Variants in SYT1 observed in about 807,000 individuals in gnomAD.
SYT1 encodes the protein synaptotagmin 1.
Under a neutral mutation model 44.8 loss-of-function variants are expected in SYT1, and 8 were observed. That is an observed-to-expected ratio of 0.18 (90% CI 0.10 to 0.32). SYT1 has a LOEUF of 0.32. Among genes scored for constraint, SYT1 ranks in the 10% least tolerant of loss-of-function variants. SYT1 has a pLI of 1.00. For missense variants in SYT1, 286 were observed against 509.3 expected (o/e 0.56, Z 4.22); for synonymous variants, 154 against 188.8 (o/e 0.82, Z 1.51).
At chr12:78,904,662 C>T (rs910381747) in intron 1 of SYT1, among the ~76,000 whole-genome samples, 4 of 152,006 alleles carry the variant, frequency 2.6e-5, no homozygotes, top group African/African-American at 9.7e-5. Flanking sequence ...ATACATATTC[C>T]ATTGTTCAAA....
At chr12:79,398,778 T>G (rs1007046430) in intron 9 of SYT1, among the ~76,000 whole-genome samples, 7 of 152,200 alleles carry the variant, frequency 4.6e-5, no homozygotes, top group Non-Finnish European at 8.8e-5. Context: ...GGAAAATGAT[T>G]GTAATATATA....
chr12:79,132,674 C>CAAAA (rs71091641), intron 3 of SYT1, among the ~76,000 whole-genome samples: 2 of 43,708 alleles, frequency 4.6e-5, no homozygotes, highest in African/African-American at 8.1e-5. Context: ...GGAGTTTTCT[C>CAAAA]AAAAAAAAAA....
At chr12:78,982,202 T>C (rs557556003) in intron 2 of SYT1, among the ~76,000 whole-genome samples, 1 of 152,208 alleles carries the variant, frequency 6.6e-6, no homozygotes, top group African/African-American at 2.4e-5. Context: ...TTTGAGCTGA[T>C]ATATCTCATT....
At chr12:78,946,750 G>T (rs1181794882) in intron 1 of SYT1, among the ~76,000 whole-genome samples, 1 of 151,838 alleles carries the variant, frequency 6.6e-6, no homozygotes, top group Non-Finnish European at 1.5e-5. Flanking sequence ...AAAACCTGGA[G>T]CAATTCTTAA....
chr12:79,112,097 T>C (rs1040633525), intron 3 of SYT1, among the ~76,000 whole-genome samples: 2 of 151,370 alleles, frequency 1.3e-5, no homozygotes, highest in Admixed American at 6.6e-5. Flanking sequence ...CAACAGTTAG[T>C]TGGACAAATT....
intron 3 of SYT1, among the ~76,000 whole-genome samples, chr12:79,163,880 C>T (rs551329595): frequency 1.3e-5 from 2 of 152,090 alleles, no homozygotes; most frequent in South Asian, 4.2e-4. Flanking sequence ...AAACATTTTT[C>T]TCATTGTTTG....
intron 1 of SYT1, among the ~76,000 whole-genome samples, chr12:78,921,993 TA>T (rs3065426): frequency 0.25 from 36,533 of 148,874 alleles, 5,115 homozygotes; most frequent in South Asian, 0.4. Flanking sequence ...CTTTAAAGAA[TA>T]AAAAAAAAAA....
chr12:79,358,848 T>C (rs1212044576), intron 9 of SYT1, among the ~76,000 whole-genome samples: 3 of 152,156 alleles, frequency 2.0e-5, no homozygotes, highest in Non-Finnish European at 2.9e-5. Context: ...GAGGGATTCT[T>C]GGAGACTGGG....
At chr12:79,266,101 A>G (rs766287813) in intron 4 of SYT1, among the ~76,000 whole-genome samples, 7 of 152,192 alleles carry the variant, frequency 4.6e-5, no homozygotes, top group African/African-American at 1.7e-4. Flanking sequence ...ATTTGAAGAA[A>G]GCTTTCTCTG....
At chr12:79,434,800 CTA>C (rs2136185851) in intron 9 of SYT1, among the ~76,000 whole-genome samples, 1 of 152,202 alleles carries the variant, frequency 6.6e-6, no homozygotes, top group East Asian at 1.9e-4. Flanking sequence ...GGTTGAGAAA[CTA>C]TAAATATTGG....
intron 4 of SYT1, among the ~76,000 whole-genome samples, chr12:79,234,750 C>T (rs1289647227): frequency 3.0e-5 from 4 of 132,378 alleles, no homozygotes; most frequent in Non-Finnish European, 4.6e-5. Context: ...CTTGCTGTGT[C>T]ACCAGGCTGG....
chr12:79,417,078 T>C (rs1371492215), intron 9 of SYT1, among the ~76,000 whole-genome samples: 4 of 152,184 alleles, frequency 2.6e-5, no homozygotes, highest in Non-Finnish European at 5.9e-5. Flanking sequence ...ATCAAAAGTG[T>C]CTCTGAAAAT....
chr12:79,119,586 A>C (rs1240656080), intron 3 of SYT1, among the ~76,000 whole-genome samples: 1 of 152,052 alleles, frequency 6.6e-6, no homozygotes, highest in African/African-American at 2.4e-5. Flanking sequence ...AGTAAATGTC[A>C]CTATCACCAG....
intron 1 of SYT1, among the ~76,000 whole-genome samples, chr12:78,931,888 TC>T (rs1333613632): frequency 1.2e-4 from 18 of 152,118 alleles, no homozygotes; most frequent in Admixed American, 1.0e-3. Flanking sequence ...AAAAGCAGAG[TC>T]TGTTCTCTGC....
intron 3 of SYT1, among the ~76,000 whole-genome samples, chr12:79,106,731 A>G (rs778215614): frequency 2.0e-5 from 3 of 151,960 alleles, no homozygotes; most frequent in Non-Finnish European, 4.4e-5. Context: ...AAATTCTTTG[A>G]CATAATAGCT....
chr12:79,129,376 A>G (rs907727603), intron 3 of SYT1, among the ~76,000 whole-genome samples: 10 of 152,220 alleles, frequency 6.6e-5, no homozygotes, highest in African/African-American at 2.4e-4. Flanking sequence ...GCATAGATGC[A>G]TGCTAAGCCA....
rs151243370 is a variant in SYT1, at chr12:79,221,212, T to C, written c.166+3527T>C. ...TTTCTTTTTGCAACTTTTGCTTTTATTTTATTTGATCTGATACACATATAT... is the reference window on the plus strand; with the variant it reads ...TTTCTTTTTGCAACTTTTGCTTTTACTTTATTTGATCTGATACACATATAT... On this transcript the variant is annotated intron_variant, in intron 4 of 10. Coordinates refer to ENST00000261205, the MANE Select transcript of SYT1 (RefSeq NM_005639.3). 7.2e-3 allele frequency among the ~76,000 whole-genome samples: 1,090 copies of C among 152,298 alleles called. 5 individuals are homozygous for C. The highest frequency in any genetic ancestry group is 0.037 in the Middle Eastern group (11 of 294).
intron 3 of SYT1, among the ~76,000 whole-genome samples, chr12:79,126,162 T>A (rs1868424187): frequency 6.6e-6 from 1 of 152,266 alleles, no homozygotes; most frequent in Non-Finnish European, 1.5e-5. Context: ...CTGATAAAAA[T>A]TAATATCAGC....
Position 78,894,330 on chromosome 12 carries a change from G to GTTTT in SYT1, c.-217+29253_-217+29256dup, listed in dbSNP as rs566175647. ...AATTTATGATTGTGTTTTTTAATCT[G>GTTTT]TTTTTTTTTTTTTTTTTTTTTTTTT... On this transcript the variant is annotated intron_variant, in intron 1 of 10. Transcript: ENST00000261205. Among the ~76,000 whole-genome samples the GTTTT allele has an allele frequency of 5.0e-4, 14 of 27,730 alleles. 4 individuals carry two copies. The highest frequency in any genetic ancestry group is 1.4e-3 in the Admixed American group (2 of 1,424). The allele number at this position is 27,730 out of a possible 152,430, so 18.2% of individuals were successfully genotyped here. A position where few individuals can be genotyped will look rare whatever the true frequency, so the allele number is the denominator to read the frequency against.
Sources: gnomAD v4.1 joint callset for allele counts (sites outside exome capture counted in the v4.1 genomes callset) on GRCh38, gnomAD v4.1.1 for gene constraint, MANE v1.5 for transcripts, NCBI Gene and HGNC (gene_info 2026-07-23, HGNC 2026-07-21) for gene names.